HDAC8: variants seen among roughly 807,000 people sequenced by gnomAD.
HDAC8 encodes histone deacetylase-like 1.
Under a neutral mutation model 32.2 loss-of-function variants are expected in HDAC8, and 1 was observed. That is an observed-to-expected ratio of 0.03 (90% CI 0.01 to 0.15). The LOEUF is 0.15. Among genes scored for constraint, HDAC8 ranks in the 10% least tolerant of loss-of-function variants. The pLI, the probability that HDAC8 is intolerant of heterozygous loss-of-function variation, is 1.00. For synonymous variants in HDAC8, 108 were observed against 113.9 expected (o/e 0.95, Z 0.33); for missense variants, 117 against 300.0 (o/e 0.39, Z 4.51).
chrX:72,341,171 C>A (rs2043878818), intron 10 of HDAC8, among the ~76,000 whole-genome samples: 1 of 112,015 alleles, frequency 8.9e-6, no homozygotes, highest in African/African-American at 3.2e-5. Flanking sequence ...TCTGGCCCAG[C>A]TCCCCTCCTG....
At chrX:72,567,194 C>T (rs2051828522) in intron 4 of HDAC8, among the ~76,000 whole-genome samples, 1 of 111,959 alleles carries the variant, frequency 8.9e-6, no homozygotes, top group South Asian at 3.8e-4. Context: ...GACTTCTCCT[C>T]TAACTCCAAG....
At chrX:72,479,145 G>A (rs1240012595) in intron 7 of HDAC8, among the ~76,000 whole-genome samples, 1 of 111,672 alleles carries the variant, frequency 9.0e-6, no homozygotes, top group African/African-American at 3.3e-5. Flanking sequence ...CATCAGTCTC[G>A]GCAGCTGCTA....
intron 10 of HDAC8, among the ~76,000 whole-genome samples, chrX:72,345,235 T>G (rs1186894264): frequency 9.0e-6 from 1 of 111,272 alleles, no homozygotes; most frequent in African/African-American, 3.3e-5. Flanking sequence ...AAACTGCTTC[T>G]GAAGCTCACT....
At chrX:72,466,456 G>A (rs1459860140) in intron 7 of HDAC8, among the ~76,000 whole-genome samples, 2 of 112,028 alleles carry the variant, frequency 1.8e-5, no homozygotes, top group African/African-American at 6.5e-5. Flanking sequence ...CTTTTCCTGA[G>A]GATTTTAAAA....
At chrX:72,532,750 T>C (rs181418939) in intron 4 of HDAC8, among the ~76,000 whole-genome samples, 4 of 111,478 alleles carry the variant, frequency 3.6e-5, no homozygotes, top group African/African-American at 1.3e-4. Context: ...GCAAGAGTTC[T>C]ATACACATAT....
intron 4 of HDAC8, among the ~76,000 whole-genome samples, chrX:72,514,454 C>A (rs2049714264): frequency 8.9e-6 from 1 of 111,985 alleles, no homozygotes; most frequent in Non-Finnish European, 1.9e-5. Flanking sequence ...GGTCACTGTG[C>A]ATGTTCAGGC....
chrX:72,404,131 G>A (rs1256448685), intron 9 of HDAC8, among the ~76,000 whole-genome samples: 1 of 110,853 alleles, frequency 9.0e-6, no homozygotes, highest in African/African-American at 3.3e-5. Flanking sequence ...CCTATTTTGG[G>A]CTATATGTTC....
intron 4 of HDAC8, among the ~76,000 whole-genome samples, chrX:72,559,923 C>T (rs9262673): frequency 4.6e-5 from 5 of 107,634 alleles, no homozygotes; most frequent in African/African-American, 6.8e-5. Context: ...CCCCGCCAGC[C>T]GCCCCGTCCA....
intron 9 of HDAC8, among the ~76,000 whole-genome samples, chrX:72,457,598 T>C (rs2047754326): frequency 8.9e-6 from 1 of 112,304 alleles, no homozygotes. Flanking sequence ...ACCATTTACA[T>C]AGGATCAAAA....
chrX:72,546,770 G>C (rs1400904062), intron 4 of HDAC8, among the ~76,000 whole-genome samples: 2 of 111,064 alleles, frequency 1.8e-5, no homozygotes, highest in Non-Finnish European at 3.8e-5. Context: ...CACTTCATCA[G>C]TGTGCTAGCA....
intron 9 of HDAC8, among the ~76,000 whole-genome samples, chrX:72,387,047 C>G (rs2045454901): frequency 8.9e-6 from 1 of 112,065 alleles, no homozygotes; most frequent in East Asian, 2.8e-4. Context: ...AAACCGAAAA[C>G]TCTACTCTTC....
At chrX:72,524,752 G>C (rs1386549175) in intron 4 of HDAC8, among the ~76,000 whole-genome samples, 1 of 110,884 alleles carries the variant, frequency 9.0e-6, no homozygotes, top group African/African-American at 3.3e-5. Context: ...CGCTCTCCCT[G>C]CTCTGCCTGG....
At chrX:72,381,564 G>T (rs1402542025) in intron 9 of HDAC8, among the ~76,000 whole-genome samples, 1 of 112,195 alleles carries the variant, frequency 8.9e-6, no homozygotes, top group Admixed American at 9.5e-5. Context: ...AACTCAAGAG[G>T]TTCATGGGAC....
chrX:72,533,376 T>C (rs1688966788), intron 4 of HDAC8, among the ~76,000 whole-genome samples: 1 of 111,892 alleles, frequency 8.9e-6, no homozygotes, highest in South Asian at 3.8e-4. Flanking sequence ...AGAATCATCA[T>C]ATCAATTTCT....
Position 72,394,860 on chromosome X carries a change from C to T in HDAC8, c.1006-43022G>A, listed in dbSNP as rs185883665. Among the ~76,000 whole-genome samples, 5 of 111,658 alleles carry T rather than the reference C, an allele frequency of 4.5e-5. No individual in the cohort carries two copies. The East Asian group carries it at 1.4e-3, about 31-fold the overall frequency. Reference sequence around the variant, plus strand: ...CAGTATCTTATTTATTCTCATAAATCCCCTCCTCCTCTTGTCCTTGATTAT... The same window carrying T: ...CAGTATCTTATTTATTCTCATAAATTCCCTCCTCCTCTTGTCCTTGATTAT... On this transcript the variant is annotated intron_variant, in intron 9 of 10. Transcript: ENST00000373573.
chrX:72,470,934 CACA>C (rs202200900), intron 7 of HDAC8, among the ~76,000 whole-genome samples: 2,227 of 111,836 alleles, frequency 0.02, 54 homozygotes, highest in African/African-American at 0.067. Context: ...GAGTTGTGCA[CACA>C]ACATCACAAT....
intron 9 of HDAC8, among the ~76,000 whole-genome samples, chrX:72,458,599 A>G (rs929126526): frequency 3.6e-5 from 4 of 111,854 alleles, no homozygotes; most frequent in African/African-American, 9.8e-5. Flanking sequence ...GAAGTTTCCC[A>G]ATATGAATAT....
At chrX:72,503,533 A>G (rs1380572471) in intron 4 of HDAC8, among the ~76,000 whole-genome samples, 1 of 112,198 alleles carries the variant, frequency 8.9e-6, no homozygotes, top group Non-Finnish European at 1.9e-5. Flanking sequence ...TCTATAATTC[A>G]TAACTATCTA....
chrX:72,444,530 G>A (rs1342676072), intron 9 of HDAC8, among the ~76,000 whole-genome samples: 2 of 107,300 alleles, frequency 1.9e-5, no homozygotes, highest in African/African-American at 3.4e-5. Flanking sequence ...TTGATGGGAC[G>A]TATCTCAAAA....
Sources: allele counts gnomAD v4.1 joint callset (sites outside exome capture counted in the v4.1 genomes callset), GRCh38; gene constraint gnomAD v4.1.1; transcripts MANE v1.5; gene names NCBI Gene and HGNC (gene_info 2026-07-23, HGNC 2026-07-21).